The following KRT32 variants were observed in gnomAD, a reference collection of about 807,000 sequenced individuals.
KRT32 encodes the protein keratin, type I cuticular Ha2.
Under a neutral mutation model 41.8 loss-of-function variants are expected in KRT32, and 44 were observed. The ratio of observed to expected loss-of-function variants is 1.05; its 90% confidence interval spans 0.83 to 1.35. The LOEUF (loss-of-function observed/expected upper bound fraction) is 1.35, where lower values mean the gene tolerates loss of function less well. KRT32 is among the 40% of genes most tolerant of loss of function. KRT32 has a pLI of 0.00. For missense variants in KRT32, 576 were observed against 584.6 expected (o/e 0.99, Z 0.15); for synonymous variants, 238 against 242.5 (o/e 0.98, Z 0.17).
Position 41,462,813 on chromosome 17 carries a change from C to T in KRT32, c.1217+17G>A, listed in dbSNP as rs746244606. 1.9e-6 allele frequency: 3 copies of T among 1,612,314 alleles called. No individual in the cohort carries two copies. Among genetic ancestry groups the T allele is most frequent in the Middle Eastern group, 2.0e-4 (1 of 5,072 alleles). Reference sequence around the variant, plus strand: ...TCCCTGCCCACGTCTCTCTAAGCCTCAGCTGGGCCTGCGTACTTGCAGTCC... The same window carrying T: ...TCCCTGCCCACGTCTCTCTAAGCCTTAGCTGGGCCTGCGTACTTGCAGTCC... On this transcript the variant is annotated intron_variant, in intron 6 of 6. Coordinates refer to ENST00000225899, the MANE Select transcript of KRT32 (RefSeq NM_002278.3).
rs566092250 is a variant in KRT32 at position 41,467,146 on chromosome 17, G to A, written c.180C>T (p.Ser60=). 2 of 1,614,068 alleles carry A rather than the reference G, an allele frequency of 1.2e-6. No homozygotes were observed. Among genetic ancestry groups the A allele is most frequent in the South Asian group, 1.1e-5 (1 of 91,088 alleles). ...TGGATAGATAGGTTTTGGAGAGGCA[G>A]CTGGCTGGCCGGAAGGTGGTGGGCA... is the stretch of plus-strand genomic sequence containing the variant. The part of the protein sequence containing the change: ...VCLPTTFRPA[S]CLSKTYLSSS... The change falls in exon 1 of 7, where the codon AGC becomes AGT. Residue 60 remains serine, a synonymous_variant. Transcript: ENST00000225899.
chr17:41,461,701 G>C (rs1364249163), intron 6 of KRT32, among the ~76,000 whole-genome samples: 2 of 152,224 alleles, frequency 1.3e-5, no homozygotes, highest in Admixed American at 6.5e-5. Flanking sequence ...TACCATCTCC[G>C]TATGACCCAC....
Position 41,467,097 on chromosome 17 carries a change from T to C in KRT32, c.229A>G (p.Ile77Val). Reference protein sequence around the residue: ...LSSSCQAASGISGSMGPGSWY... With the variant: ...LSSSCQAASGVSGSMGPGSWY... ...CTGCCGGGGCCCATGGAGCCGGAGA[T>C]GCCACTGGCTGCCTGGCAGGAACTG... The change falls in exon 1 of 7, where the codon ATC (isoleucine) becomes GTC (valine). Residue 77 changes from isoleucine (I) to valine (V), a missense_variant. By Grantham distance (29) the Ile-to-Val change is conservative. Coordinates refer to ENST00000225899, the MANE Select transcript of KRT32 (RefSeq NM_002278.3). The C allele has an allele frequency of 3.1e-6, 5 of 1,614,204 alleles. No homozygotes were observed. The highest frequency in any genetic ancestry group is 4.2e-6 in the Non-Finnish European group (5 of 1,180,034).
chr17:41,463,095 C>T, intron 5 of KRT32, 45 bp from the exon 6 acceptor site: 1 of 1,553,340 alleles, frequency 6.4e-7, no homozygotes, highest in Non-Finnish European at 8.8e-7. Flanking sequence ...AGCTGTTTAC[C>T]ATGGCCTGCT....
intron 3 of KRT32, among the ~76,000 whole-genome samples, chr17:41,464,836 A>G (rs2019049544): frequency 6.6e-6 from 1 of 152,210 alleles, no homozygotes; most frequent in Non-Finnish European, 1.5e-5. Flanking sequence ...GCTGCCTCCC[A>G]GGCTTGGCTG....
intron 6 of KRT32, among the ~76,000 whole-genome samples, chr17:41,461,803 G>A (rs959096334): frequency 1.2e-4 from 18 of 152,230 alleles, no homozygotes; most frequent in African/African-American, 4.3e-4. Context: ...GAGAAGCAAT[G>A]CCAAATGCGG....
rs1293270694 is a variant in KRT32, at chr17:41,459,966, G to A, written c.*144C>T. ...GTGATGAGGGCTTAAGTATCCCCTG[G>A]AGTATCAGAGCTTGTTGCAGGTGAT... On this transcript the variant is annotated 3_prime_UTR_variant, in exon 7 of 7. Coordinates refer to ENST00000225899, the MANE Select transcript of KRT32 (RefSeq NM_002278.3). 1.3e-6 allele frequency: 1 copy of A among 783,200 alleles called. No individual in the cohort carries two copies. Among genetic ancestry groups the A allele is most frequent in the Non-Finnish European group, 2.0e-6 (1 of 503,432 alleles). The allele number at this position is 783,200 out of a possible 1,614,324, so 48.5% of individuals were successfully genotyped here. A position where few individuals can be genotyped will look rare whatever the true frequency, so the allele number is the denominator to read the frequency against.
Position 41,460,118 on chromosome 17 carries a change from G to C in KRT32, c.1339C>G (p.Arg447Gly). The change falls in exon 7 of 7, where the codon CGC (arginine) becomes GGC (glycine). Residue 447 changes from arginine to glycine, a missense_variant. Coordinates refer to ENST00000225899, the MANE Select transcript of KRT32 (RefSeq NM_002278.3). The stretch of plus-strand genomic sequence containing the variant: ...ACTGGCACAAAGGGACTTCAGTAGC[G>C]GCCCTGGGGGCAGGGTGAGCAAGGC... ...GMPCSPCPQG[R>G]Y 1 of 1,607,780 alleles carries C rather than the reference G, an allele frequency of 6.2e-7. No individual in the cohort carries two copies. Among genetic ancestry groups the C allele is most frequent in the Non-Finnish European group, 8.5e-7 (1 of 1,176,944 alleles).
In KRT32 at chr17:41,460,199, A is replaced by G. The variant is rs758486740; in HGVS notation, c.1258T>C (p.Cys420Arg). Residue 420 changes from cysteine (C) to arginine (R), a missense_variant, in exon 7 of 7, where the codon TGT (cysteine) becomes CGT (arginine). Cys to Arg is a radical substitution (Grantham distance 180). Coordinates refer to ENST00000225899, the MANE Select transcript of KRT32 (RefSeq NM_002278.3). Reference protein sequence around the residue: ...NPCSTPSCTTCVPSPCVPRTV... With the variant: ...NPCSTPSCTTRVPSPCVPRTV... ...CGGGGCACGCATGGGGAGGGCACAC[A>G]GGTGGTGCAGGAAGGAGTGGAGCAT... The G allele has an allele frequency of 6.2e-7, 1 of 1,610,366 alleles. No individual in the cohort carries two copies. Among genetic ancestry groups the G allele is most frequent in the South Asian group, 1.1e-5 (1 of 90,286 alleles).
chr17:41,463,092 T>G (rs776876057), intron 5 of KRT32, 42 bp from the exon 6 acceptor site: 1 of 1,555,438 alleles, frequency 6.4e-7, no homozygotes, highest in South Asian at 1.2e-5. Context: ...GGGAGCTGTT[T>G]ACCATGGCCT....
At chr17:41,464,562 C>CT (rs1205780864) in intron 3 of KRT32, 119 bp from the exon 4 acceptor site, 1 of 927,002 alleles carries the variant, frequency 1.1e-6, no homozygotes, top group Admixed American at 3.1e-5. Context: ...TAGATGGCCC[C>CT]TAAGGACTGC....
intron 6 of KRT32, 81 bp from the exon 7 acceptor site, chr17:41,460,320 T>C (rs1158227598): frequency 2.0e-6 from 3 of 1,498,894 alleles, no homozygotes; most frequent in African/African-American, 1.4e-5. Flanking sequence ...TCCCCTCGGA[T>C]GCCTCTCAAC....
chr17:41,461,935 C>T (rs180850663), intron 6 of KRT32, among the ~76,000 whole-genome samples: 5 of 152,360 alleles, frequency 3.3e-5, no homozygotes, highest in Admixed American at 3.3e-4. Context: ...GCTGATGCCT[C>T]TGCTGCCCTA....
chr17:41,467,007 G>C lies in KRT32; in HGVS notation c.319C>G (p.Leu107Val). Reference sequence around the variant, plus strand: ...CGCACCCTCGTCAGGTAGCTGGCCAGGCGGTCGTTAAGGAACTGCATGGTT... The same window carrying C: ...CGCACCCTCGTCAGGTAGCTGGCCACGCGGTCGTTAAGGAACTGCATGGTT... ...KETMQFLNDR[L>V]ASYLTRVRQL... Residue 107 changes from leucine to valine, a missense_variant, in exon 1 of 7, where the codon CTG (leucine) becomes GTG (valine). Leu to Val is a conservative substitution (Grantham distance 32). Coordinates refer to ENST00000225899, the MANE Select transcript of KRT32 (RefSeq NM_002278.3). The C allele has an allele frequency of 6.2e-7, 1 of 1,614,264 alleles. No homozygotes were observed. Among genetic ancestry groups the C allele is most frequent in the Non-Finnish European group, 8.5e-7 (1 of 1,180,050 alleles).
chr17:41,463,975 T>A, intron 5 of KRT32, 103 bp downstream of exon 5: 1 of 1,199,788 alleles, frequency 8.3e-7, no homozygotes, highest in Non-Finnish European at 1.1e-6. Flanking sequence ...GCATCCATGG[T>A]GGCTGAAATC....
In KRT32 at chr17:41,463,056, G is replaced by A; in HGVS notation, c.997-6C>T. 1.9e-6 allele frequency: 3 copies of A among 1,607,378 alleles called. No homozygotes were observed. The highest frequency in any genetic ancestry group is 2.2e-5 in the South Asian group (2 of 90,620). On this transcript the variant is annotated splice_region_variant and splice_polypyrimidine_tract_variant and intron_variant, in intron 5 of 6. Transcript: ENST00000225899. ...GTGTTTTCCAGGGAGTCCCTCTAAG[G>A]CAAAGGAAGACATAACCATGAGGAA... is the stretch of plus-strand genomic sequence containing the variant.
At chr17:41,460,371 A>C in intron 6 of KRT32, 132 bp from the exon 7 acceptor site, 1 of 1,149,584 alleles carries the variant, frequency 8.7e-7, no homozygotes. Context: ...CCCTGGTCCC[A>C]ACCTCCGCCA....
rs183441981 is a variant in KRT32, at chr17:41,459,807, C to T, written c.*303G>A. ...AGCGTAAGTGACAAACAGAGACAGACATGTTTGCAAGGCCACTGAGTACAG... is the reference window on the plus strand; with the variant it reads ...AGCGTAAGTGACAAACAGAGACAGATATGTTTGCAAGGCCACTGAGTACAG... On this transcript the variant is annotated 3_prime_UTR_variant, in exon 7 of 7. Coordinates refer to ENST00000225899, the MANE Select transcript of KRT32 (RefSeq NM_002278.3). 2.0e-3 allele frequency: 405 copies of T among 206,392 alleles called. No individual in the cohort carries two copies. The highest frequency in any genetic ancestry group is 3.6e-3 in the Middle Eastern group (2 of 552). 12.8% of individuals were successfully genotyped at this position (206,392 alleles called of 1,614,324 possible).
intron 6 of KRT32, among the ~76,000 whole-genome samples, chr17:41,461,362 G>T (rs934759818): frequency 6.6e-6 from 1 of 152,180 alleles, no homozygotes; most frequent in Non-Finnish European, 1.5e-5. Flanking sequence ...GAAAAAGGAT[G>T]ATCTCAGAGA....
Sources: allele counts gnomAD v4.1 joint callset (sites outside exome capture counted in the v4.1 genomes callset), GRCh38; gene constraint gnomAD v4.1.1; transcripts MANE v1.5; gene names NCBI Gene and HGNC (gene_info 2026-07-23, HGNC 2026-07-21).